GLB1: variants seen among roughly 807,000 people sequenced by gnomAD.
The protein encoded by GLB1 is galactosidase beta 1.
GLB1 carries 56 observed loss-of-function variants against 74.0 expected under a neutral mutation model. That is an observed-to-expected ratio of 0.76 (90% CI 0.61 to 0.94). The LOEUF is 0.94. Among genes scored for constraint, GLB1 ranks in the 40% least tolerant of loss-of-function variants. GLB1 has a pLI of 0.00. For synonymous variants in GLB1, 323 were observed against 323.6 expected (o/e 1.00, Z 0.02); for missense variants, 787 against 845.5 (o/e 0.93, Z 0.86).
rs937588798 is a variant in GLB1, at chr3:33,014,107, C to T, written c.1683G>A (p.Gly561=). Residue 561 remains glycine, a synonymous_variant, in exon 15 of 16, where the codon GGG becomes GGA. Transcript: ENST00000307363. ...AGGTGTCCTGGGGCAAGTCTGGGATCCCACTGGGAATGGAGAAGTTCCCCA... is the reference window on the plus strand; with the variant it reads ...AGGTGTCCTGGGGCAAGTCTGGGATTCCACTGGGAATGGAGAAGTTCCCCA... ...FYMGNFSIPS[G]IPDLPQDTFI... is the part of the protein sequence containing the mutation. 2 of 1,614,144 alleles carry T rather than the reference C, an allele frequency of 1.2e-6. No individual in the cohort carries two copies. Among genetic ancestry groups the T allele is most frequent in the Non-Finnish European group, 1.7e-6 (2 of 1,180,042 alleles).
At chr3:33,080,240 C>T (rs930632900) in intron 1 of GLB1, among the ~76,000 whole-genome samples, 12 of 152,064 alleles carry the variant, frequency 7.9e-5, no homozygotes, top group Admixed American at 6.6e-4. Flanking sequence ...CCCCCACACC[C>T]GGCTAATTTT....
At chr3:32,983,854 ATT>A in the GLB1 span, among the ~76,000 whole-genome samples, 2 of 147,394 alleles carry the variant, frequency 1.4e-5, no homozygotes, top group African/African-American at 5.0e-5. Context: ...TAATTTTTAA[ATT>A]TTTTTTTTTG....
intron 1 of GLB1, chr3:33,094,190 G>A: frequency 6.3e-7 from 1 of 1,598,258 alleles, no homozygotes; most frequent in South Asian, 1.1e-5. Context: ...GCCTGAAGAT[G>A]GCCATTTTCT....
chr3:32,992,040 C>T (rs758921972), downstream of GLB1, among the ~76,000 whole-genome samples: 2 of 152,250 alleles, frequency 1.3e-5, no homozygotes, highest in Non-Finnish European at 2.9e-5. Flanking sequence ...AAGTTGCTTA[C>T]GTTTTGAGAA....
intron 9 of GLB1, 150 bp from the exon 10 acceptor site, chr3:33,046,382 T>G: frequency 1.1e-6 from 1 of 897,402 alleles, no homozygotes; most frequent in East Asian, 2.7e-5. Context: ...ACCCTCAGGA[T>G]GCAACGTTTA....
chr3:33,014,374 G>GCATTCC, intron 14 of GLB1, 64 bp from the exon 15 acceptor site: 1 of 1,588,720 alleles, frequency 6.3e-7, no homozygotes, highest in East Asian at 2.3e-5. Context: ...ACATGTCTCT[G>GCATTCC]CATTCCAGGG....
intron 1 of GLB1, among the ~76,000 whole-genome samples, chr3:33,095,444 T>C (rs964837178): frequency 1.3e-5 from 2 of 152,112 alleles, no homozygotes; most frequent in Non-Finnish European, 2.9e-5. Flanking sequence ...GAGAATGGCG[T>C]GAACCCTAAA....
At chr3:33,030,003 T>G (rs1286925211) in intron 10 of GLB1, 3 of 144,850 alleles carry the variant, frequency 2.1e-5, no homozygotes, top group Non-Finnish European at 4.6e-5. Context: ...TTCTACAACA[T>G]AAGTGATAGA....
intron 15 of GLB1, among the ~76,000 whole-genome samples, chr3:33,005,575 C>G (rs1015782008): frequency 6.6e-6 from 1 of 152,104 alleles, no homozygotes; most frequent in African/African-American, 2.4e-5. Context: ...TGTCTCAGTG[C>G]AGCCTTGATT....
chr3:33,042,379 T>A (rs1698541881), intron 10 of GLB1, among the ~76,000 whole-genome samples: 1 of 137,358 alleles, frequency 7.3e-6, no homozygotes, highest in Admixed American at 7.3e-5. Context: ...CCTTTTTTTT[T>A]TTTTTTTTTT....
At chr3:33,002,024 T>C (rs933411808) in intron 15 of GLB1, among the ~76,000 whole-genome samples, 3 of 149,936 alleles carry the variant, frequency 2.0e-5, no homozygotes, top group African/African-American at 7.4e-5. Flanking sequence ...TGTTGCTGAA[T>C]ATGATCTAAA....
At chr3:32,999,799 C>T (rs1696475008) in intron 15 of GLB1, among the ~76,000 whole-genome samples, 1 of 152,144 alleles carries the variant, frequency 6.6e-6, no homozygotes, top group African/African-American at 2.4e-5. Flanking sequence ...TACAGGCGTG[C>T]ACCACCATGC....
the GLB1 span, among the ~76,000 whole-genome samples, chr3:32,978,615 G>A: frequency 6.6e-6 from 1 of 152,192 alleles, no homozygotes; most frequent in African/African-American, 2.4e-5. Context: ...AGTGCCTGAT[G>A]GAGGCCTTGC....
intron 10 of GLB1, chr3:33,045,532 A>G (rs887739309): frequency 1.0e-6 from 1 of 988,928 alleles, no homozygotes; most frequent in Non-Finnish European, 1.2e-6. Flanking sequence ...GCAAATAAGG[A>G]CGGAGTTATT....
At chr3:33,041,697 T>G (rs902866070) in intron 10 of GLB1, among the ~76,000 whole-genome samples, 1 of 148,652 alleles carries the variant, frequency 6.7e-6, no homozygotes, top group Non-Finnish European at 1.5e-5. Context: ...AAAGAAAAAC[T>G]GCATTTTGAA....
intron 14 of GLB1, among the ~76,000 whole-genome samples, chr3:33,016,234 G>A (rs1196567284): frequency 6.6e-6 from 1 of 152,198 alleles, no homozygotes; most frequent in East Asian, 1.9e-4. Context: ...AAGCATGGTG[G>A]AGGGGCTTCC....
chr3:33,057,771 G>A (rs1699277920), intron 6 of GLB1, among the ~76,000 whole-genome samples: 1 of 152,152 alleles, frequency 6.6e-6, no homozygotes, highest in Non-Finnish European at 1.5e-5. Flanking sequence ...ACTGCCTCAA[G>A]GTAGAGCTTC....
At chr3:33,002,894 C>T (rs556161200) in intron 15 of GLB1, among the ~76,000 whole-genome samples, 33 of 151,938 alleles carry the variant, frequency 2.2e-4, no homozygotes, top group Admixed American at 4.6e-4. Flanking sequence ...TCTCACACAC[C>T]GAACTCATGA....
intron 10 of GLB1, among the ~76,000 whole-genome samples, chr3:33,039,724 G>A (rs9852081): frequency 0.022 from 3,281 of 152,252 alleles, 99 homozygotes; most frequent in East Asian, 0.073. Flanking sequence ...TAACAGCCAA[G>A]AATGTTCTAA....
Sources: allele counts gnomAD v4.1 joint callset (sites outside exome capture counted in the v4.1 genomes callset), GRCh38; gene constraint gnomAD v4.1.1; transcripts MANE v1.5; gene names NCBI Gene and HGNC (gene_info 2026-07-23, HGNC 2026-07-21).